The following CYP2E1 variants were observed in gnomAD, a reference collection of about 807,000 sequenced individuals.
CYP2E1 encodes the protein cytochrome P450 2E1.
Under a neutral mutation model 42.9 loss-of-function variants are expected in CYP2E1, and 31 were observed. The ratio of observed to expected loss-of-function variants is 0.72; its 90% CI spans 0.54 to 0.98. The LOEUF (loss-of-function observed/expected upper bound fraction) is 0.98, where lower values mean the gene tolerates loss of function less well. Ranked by LOEUF, CYP2E1 falls within the 50% of genes least tolerant of loss-of-function variation. The probability of loss-of-function intolerance (pLI) is 0.00; values close to 1 mark genes in which losing one functional copy is unlikely to be tolerated. For synonymous variants in CYP2E1, 244 were observed against 248.9 expected (o/e 0.98, Z 0.19); for missense variants, 565 against 633.2 (o/e 0.89, Z 1.16).
At position 133,528,639 on chromosome 10, in the gene CYP2E1, G is replaced by A. The variant is rs1851300949; in HGVS notation, c.336G>A (p.Arg112=). 1 of 1,613,048 alleles carries A rather than the reference G, an allele frequency of 6.2e-7. No homozygotes were observed. Among genetic ancestry groups the A allele is most frequent in the Non-Finnish European group, 8.5e-7 (1 of 1,179,938 alleles). The change falls in exon 2 of 9, where the codon AGG becomes AGA. Residue 112 remains arginine (R), a splice_region_variant and synonymous_variant. Transcript: ENST00000252945. Reference sequence around the variant, plus strand: ...CCGCGTTCCATGCGCACAGGGACAGGGGTGAGTCCGCGTCCCTGGCACGGA... The same window carrying A: ...CCGCGTTCCATGCGCACAGGGACAGAGGTGAGTCCGCGTCCCTGGCACGGA... ...DLPAFHAHRD[R]GIIFNNGPTW...
At position 133,527,499 on chromosome 10, in the gene CYP2E1, G is replaced by C; in HGVS notation, c.104G>C (p.Gly35Ala). Reference sequence around the variant, plus strand: ...CACAGCAGCTGGAATCTGCCCCCAGGCCCTTTCCCGCTTCCCATCATCGGG... The same window carrying C: ...CACAGCAGCTGGAATCTGCCCCCAGCCCCTTTCCCGCTTCCCATCATCGGG... ...QVHSSWNLPPGPFPLPIIGNL... is the reference protein window; with the variant it reads ...QVHSSWNLPPAPFPLPIIGNL... The change falls in exon 1 of 9, where the codon GGC becomes GCC. Residue 35 changes from glycine to alanine, a missense_variant. Transcript: ENST00000252945. 6.2e-7 allele frequency: 1 copy of C among 1,613,600 alleles called. No homozygotes were observed. The highest frequency in any genetic ancestry group is 8.5e-7 in the Non-Finnish European group (1 of 1,179,952).
chr10:133,537,564 T>C (rs1262474463), intron 7 of CYP2E1, 187 bp from the exon 8 acceptor site: 1 of 611,996 alleles, frequency 1.6e-6, no homozygotes, highest in South Asian at 2.2e-5. Context: ...GATTAGGGCT[T>C]TCATCTTCAT....
chr10:133,527,643 A>G, intron 1 of CYP2E1, 71 bp downstream of exon 1: 1 of 1,266,726 alleles, frequency 7.9e-7, no homozygotes, highest in Non-Finnish European at 1.1e-6. Flanking sequence ...TATTCAACTC[A>G]TTTGCAGACA....
At chr10:133,532,316 A>G (rs1851348904) in intron 4 of CYP2E1, 32 bp downstream of exon 4, 1 of 1,595,714 alleles carries the variant, frequency 6.3e-7, no homozygotes, top group African/African-American at 1.3e-5. Flanking sequence ...ATCAGTCATC[A>G]ACTGTAGAGT....
In CYP2E1 at chr10:133,527,478, G is replaced by A. The variant is rs773963522; in HGVS notation, c.83G>A (p.Ser28Asn). The change falls in exon 1 of 9, where the codon AGC (serine) becomes AAC (asparagine). Residue 28 changes from serine to asparagine, a missense_variant. Ser to Asn is a conservative substitution (Grantham distance 46). Transcript: ENST00000252945. Reference sequence around the variant, plus strand: ...GTGTCCATGTGGAGGCAGGTGCACAGCAGCTGGAATCTGCCCCCAGGCCCT... The same window carrying A: ...GTGTCCATGTGGAGGCAGGTGCACAACAGCTGGAATCTGCCCCCAGGCCCT... ...LLVSMWRQVH[S>N]SWNLPPGPFP... is the part of the protein sequence containing the mutation. 6.2e-7 allele frequency: 1 copy of A among 1,613,704 alleles called. No homozygotes were observed. The highest frequency in any genetic ancestry group is 8.5e-7 in the Non-Finnish European group (1 of 1,179,972).
intron 5 of CYP2E1, 32 bp from the exon 6 acceptor site, chr10:133,533,724 C>G (rs28371745): frequency 6.2e-7 from 1 of 1,610,280 alleles, no homozygotes; most frequent in Admixed American, 1.7e-5. Flanking sequence ...ACAAGCAGCC[C>G]CTTCTCCTCC....
intron 6 of CYP2E1, among the ~76,000 whole-genome samples, chr10:133,534,635 A>G (rs1851376154): frequency 6.6e-6 from 1 of 152,216 alleles, no homozygotes; most frequent in African/African-American, 2.4e-5. Context: ...TGGGCTGGAA[A>G]CAGGGCTGGG....
rs1281525886 is a variant in CYP2E1 at position 133,532,125 on chromosome 10, C to T, written c.489C>T (p.Gly163=). Residue 163 remains glycine (G), a splice_region_variant and synonymous_variant, in exon 4 of 9, where the codon GGC becomes GGT. Transcript: ENST00000252945. ...FLLEALRKTQ[G]QPFDPTFLIG... ...TTGCCCTGACTGCCTGTTTTGTAGG[C>T]CAGCCTTTCGACCCCACCTTCCTCA... is the stretch of plus-strand genomic sequence containing the variant. The T allele has an allele frequency of 1.9e-6, 3 of 1,612,636 alleles. No homozygotes were observed. The highest frequency in any genetic ancestry group is 2.5e-6 in the Non-Finnish European group (3 of 1,179,112).
chr10:133,537,118 C>T lies in CYP2E1; in HGVS notation c.1023C>T (p.Ile341=). ...TTGGGCCAAGCCGAATCCCTGCCAT[C>T]AAGGATAGGCAAGAGATGCCCTACA... is the stretch of plus-strand genomic sequence containing the variant. The part of the protein sequence containing the change: ...RVIGPSRIPA[I]KDRQEMPYMD... Residue 341 remains isoleucine (I), a synonymous_variant, in exon 7 of 9, where the codon ATC becomes ATT. Transcript: ENST00000252945. 6.2e-7 allele frequency: 1 copy of T among 1,613,984 alleles called. No homozygotes were observed. Among genetic ancestry groups the T allele is most frequent in the Non-Finnish European group, 8.5e-7 (1 of 1,179,936 alleles).
At chr10:133,534,713 A>G (rs1392806535) in intron 6 of CYP2E1, among the ~76,000 whole-genome samples, 1 of 152,292 alleles carries the variant, frequency 6.6e-6, no homozygotes, top group Non-Finnish European at 1.5e-5. Flanking sequence ...GCTGCTGCTA[A>G]TGGTCACTTG....
chr10:133,537,013 AAC>A, intron 6 of CYP2E1, 48 bp from the exon 7 acceptor site: 2 of 664,090 alleles, frequency 3.0e-6, no homozygotes, highest in South Asian at 2.2e-5. Context: ...GTGGATGCCC[AAC>A]TGGCCAGGAA....
chr10:133,538,529 C>T (rs943106333), intron 8 of CYP2E1, among the ~76,000 whole-genome samples: 2 of 152,140 alleles, frequency 1.3e-5, no homozygotes, highest in South Asian at 2.1e-4. Flanking sequence ...AACTTAACAC[C>T]GGTTTTTGCA....
chr10:133,530,948 A>G (rs1564847789), intron 2 of CYP2E1, among the ~76,000 whole-genome samples: 2 of 152,242 alleles, frequency 1.3e-5, no homozygotes, highest in Non-Finnish European at 2.9e-5. Flanking sequence ...AAATGTGTTC[A>G]TACTCTCGGG....
chr10:133,539,045 C>A lies in CYP2E1; in HGVS notation c.*81C>A. On this transcript the variant is annotated 3_prime_UTR_variant, in exon 9 of 9. Coordinates refer to ENST00000252945, the MANE Select transcript of CYP2E1 (RefSeq NM_000773.4). ...AGGTCAGGATTTCTCAAACTGATTC[C>A]TTTCTTTGCATATGAGTATTTGAAA... is the stretch of plus-strand genomic sequence containing the variant. The A allele has an allele frequency of 8.8e-7, 1 of 1,138,662 alleles. No homozygotes were observed. Among genetic ancestry groups the A allele is most frequent in the Non-Finnish European group, 1.2e-6 (1 of 813,056 alleles). 70.5% of individuals were successfully genotyped at this position (1,138,662 alleles called of 1,614,324 possible).
chr10:133,528,854 G>T (rs747055376), intron 2 of CYP2E1, among the ~76,000 whole-genome samples: 3 of 152,250 alleles, frequency 2.0e-5, no homozygotes, highest in Admixed American at 6.5e-5. Flanking sequence ...GCCTCTCGGC[G>T]ACTGTGCGGG....
Position 133,537,788 on chromosome 10 carries a change from A to T in CYP2E1, c.1193A>T (p.Tyr398Phe), listed in dbSNP as rs1027409770. The change falls in exon 8 of 9, where the codon TAT becomes TTT. Residue 398 changes from tyrosine (Y) to phenylalanine (F), a missense_variant. Transcript: ENST00000252945. The stretch of plus-strand genomic sequence containing the variant: ...GTGCCAACTCTGGACTCTGTTTTGT[A>T]TGACAACCAAGAATTTCCTGATCCA... ...VVVPTLDSVL[Y>F]DNQEFPDPEK... 28 of 1,613,766 alleles carry T rather than the reference A, an allele frequency of 1.7e-5. No individual in the cohort carries two copies. Among genetic ancestry groups the T allele is most frequent in the Non-Finnish European group, 2.1e-5 (25 of 1,179,824 alleles).
chr10:133,537,671 A>G, intron 7 of CYP2E1, 80 bp from the exon 8 acceptor site: 3 of 1,244,756 alleles, frequency 2.4e-6, no homozygotes, highest in East Asian at 2.3e-5. Flanking sequence ...ATTCAAAACT[A>G]CATTCTTCAC....
Position 133,537,135 on chromosome 10 carries a change from T to C in CYP2E1, c.1040T>C (p.Met347Thr), listed in dbSNP as rs1042802318. 3 of 1,614,076 alleles carry C rather than the reference T, an allele frequency of 1.9e-6. No individual in the cohort carries two copies. The highest frequency in any genetic ancestry group is 2.5e-6 in the Non-Finnish European group (3 of 1,179,984). ...CCTGCCATCAAGGATAGGCAAGAGATGCCCTACATGGATGCTGTGGTGCAT... is the reference window on the plus strand; with the variant it reads ...CCTGCCATCAAGGATAGGCAAGAGACGCCCTACATGGATGCTGTGGTGCAT... ...RIPAIKDRQEMPYMDAVVHEI... is the reference protein window; with the variant it reads ...RIPAIKDRQETPYMDAVVHEI... The change falls in exon 7 of 9, where the codon ATG (methionine) becomes ACG (threonine). Residue 347 changes from methionine (M) to threonine (T), a missense_variant. By Grantham distance (81) the Met-to-Thr change is moderately conservative. Transcript: ENST00000252945.
rs370566113 is a variant in CYP2E1, at chr10:133,538,991, C to G, written c.*27C>G. On this transcript the variant is annotated 3_prime_UTR_variant, in exon 9 of 9. Transcript: ENST00000252945. ...TGTGTGGAGGACACCCTGAACCCCC[C>G]GCTTTCAAACAAGTTTTCAAATTGT... 9 of 1,531,280 alleles carry G rather than the reference C, an allele frequency of 5.9e-6. No individual in the cohort carries two copies. The highest frequency in any genetic ancestry group is 1.7e-4 in the Middle Eastern group (1 of 5,760). The allele number at this position is 1,531,280 out of a possible 1,614,324, so 94.9% of individuals were successfully genotyped here. A position where few individuals can be genotyped will look rare whatever the true frequency, so the allele number is the denominator to read the frequency against.
Sources: allele counts gnomAD v4.1 joint callset (sites outside exome capture counted in the v4.1 genomes callset), GRCh38; gene constraint gnomAD v4.1.1; transcripts MANE v1.5; gene names NCBI Gene and HGNC (gene_info 2026-07-23, HGNC 2026-07-21).